NELL1: variants seen among roughly 807,000 people sequenced by gnomAD.
NELL1 encodes neural EGFL like 1.
In NELL1, 76 loss-of-function variants were observed where a neutral mutation model predicts 107.4. The ratio of observed to expected loss-of-function variants is 0.71; its 90% CI spans 0.59 to 0.86. The LOEUF is 0.86. NELL1 is among the 40% of genes least tolerant of loss of function. NELL1 has a pLI of 0.00. For synonymous variants in NELL1, 353 were observed against 341.2 expected (o/e 1.03, Z -0.38); for missense variants, 1,024 against 1,005.5 (o/e 1.02, Z -0.25).
intron 14 of NELL1, among the ~76,000 whole-genome samples, chr11:21,342,743 A>G (rs1850602650): frequency 6.6e-6 from 1 of 151,604 alleles, no homozygotes; most frequent in Non-Finnish European, 1.5e-5. Context: ...AAGAAAGAGA[A>G]TAGTATGCAT....
chr11:21,366,999 C>A (rs1464407956), intron 14 of NELL1, among the ~76,000 whole-genome samples: 1 of 151,944 alleles, frequency 6.6e-6, no homozygotes, highest in African/African-American at 2.4e-5. Flanking sequence ...GCAAACCCAC[C>A]TTCTCATTTT....
chr11:20,684,329 T>C lies in NELL1; in HGVS notation c.184+6269T>C, dbSNP rs1055702613. ...CATTATTCTTTTTTCTCTCTGTGTA[T>C]AATTTTTGATCATTTCCATTGTTAT... On this transcript the variant is annotated intron_variant, in intron 2 of 19. Transcript: ENST00000357134. Among the ~76,000 whole-genome samples, 3 of 152,246 alleles carry C rather than the reference T, an allele frequency of 2.0e-5. No individual in the cohort carries two copies. In the East Asian group the frequency reaches 5.8e-4, roughly 29 times the overall value.
At chr11:20,833,541 A>G (rs1327704848) in intron 3 of NELL1, among the ~76,000 whole-genome samples, 1 of 152,254 alleles carries the variant, frequency 6.6e-6, no homozygotes, top group Non-Finnish European at 1.5e-5. Context: ...GGCTCTGAAG[A>G]TAACATGGTG....
intron 15 of NELL1, among the ~76,000 whole-genome samples, chr11:21,425,822 T>C (rs1458170644): frequency 6.6e-6 from 1 of 152,190 alleles, no homozygotes; most frequent in Non-Finnish European, 1.5e-5. Context: ...TGTTGGGACA[T>C]ACTAGTAGCA....
chr11:21,026,410 G>GT (rs1484486564), intron 12 of NELL1, among the ~76,000 whole-genome samples: 1 of 152,096 alleles, frequency 6.6e-6, no homozygotes, highest in African/African-American at 2.4e-5. Context: ...CACCTCTTCA[G>GT]TTTTTTACTC....
intron 6 of NELL1, among the ~76,000 whole-genome samples, chr11:20,918,877 G>A (rs1015023387): frequency 3.9e-5 from 6 of 152,046 alleles, no homozygotes; most frequent in African/African-American, 1.4e-4. Flanking sequence ...AGAAAGATAT[G>A]TTTAATATAT....
intron 11 of NELL1, among the ~76,000 whole-genome samples, chr11:20,952,511 GAA>G (rs1384138469): frequency 6.6e-6 from 1 of 152,164 alleles, no homozygotes; most frequent in African/African-American, 2.4e-5. Context: ...AATTTGAGAA[GAA>G]AAGAGACCTG....
intron 1 of NELL1, chr11:20,670,710 A>C (rs976228618): frequency 6.6e-6 from 1 of 152,370 alleles, no homozygotes; most frequent in Non-Finnish European, 1.5e-5. Flanking sequence ...GAGATGTAGG[A>C]AATTGGCAAA....
chr11:21,083,680 T>C (rs1590620724), intron 12 of NELL1, among the ~76,000 whole-genome samples: 2 of 152,062 alleles, frequency 1.3e-5, no homozygotes, highest in Admixed American at 6.6e-5. Flanking sequence ...TAGTTTAGAG[T>C]ATGTATATGT....
At chr11:20,879,835 C>A (rs1309918883) in intron 4 of NELL1, among the ~76,000 whole-genome samples, 2 of 151,570 alleles carry the variant, frequency 1.3e-5, no homozygotes, top group Non-Finnish European at 1.5e-5. Flanking sequence ...CGATTTATGG[C>A]CAAAAAGAGT....
intron 15 of NELL1, among the ~76,000 whole-genome samples, chr11:21,433,801 T>C (rs1853032158): frequency 6.6e-6 from 1 of 151,940 alleles, no homozygotes; most frequent in Non-Finnish European, 1.5e-5. Context: ...TCAGCCTCCG[T>C]AGTAGTTGGG....
chr11:20,703,729 A>G (rs2133884948), intron 2 of NELL1, among the ~76,000 whole-genome samples: 1 of 152,306 alleles, frequency 6.6e-6, no homozygotes, highest in Middle Eastern at 3.4e-3. Flanking sequence ...GTTTCAGAGA[A>G]CATCTTTATT....
chr11:21,095,530 AG>A (rs1369683231), intron 12 of NELL1, among the ~76,000 whole-genome samples: 1 of 152,160 alleles, frequency 6.6e-6, no homozygotes, highest in Admixed American at 6.6e-5. Context: ...AAAAAGAAAG[AG>A]GTTTAATTGG....
chr11:20,911,927 C>T (rs1850141188), intron 5 of NELL1, among the ~76,000 whole-genome samples: 2 of 152,276 alleles, frequency 1.3e-5, no homozygotes, highest in South Asian at 4.1e-4. Context: ...CTACAAAAAT[C>T]TCCCTGAAAA....
chr11:20,865,836 A>G (rs1010167790), intron 4 of NELL1, among the ~76,000 whole-genome samples: 3 of 152,106 alleles, frequency 2.0e-5, no homozygotes, highest in African/African-American at 4.8e-5. Flanking sequence ...CGTTTAATCT[A>G]TTATTCTCTT....
chr11:21,329,277 AG>A, intron 14 of NELL1, among the ~76,000 whole-genome samples: 1 of 151,524 alleles, frequency 6.6e-6, no homozygotes, highest in East Asian at 1.9e-4. Context: ...TGGTTTTATA[AG>A]GGGCTTTTCC....
chr11:20,902,263 T>C (rs575251328), intron 5 of NELL1, among the ~76,000 whole-genome samples: 12 of 150,186 alleles, frequency 8.0e-5, no homozygotes, highest in African/African-American at 3.0e-4. Flanking sequence ...ATGCTGCAAA[T>C]CAATAAGAAA....
chr11:20,974,189 G>T (rs1040415884), intron 12 of NELL1, among the ~76,000 whole-genome samples: 1 of 152,142 alleles, frequency 6.6e-6, no homozygotes, highest in Non-Finnish European at 1.5e-5. Flanking sequence ...AGTATTCGTT[G>T]AATAAATGAA....
chr11:21,295,321 G>A (rs1338971038), intron 14 of NELL1, among the ~76,000 whole-genome samples: 1 of 151,898 alleles, frequency 6.6e-6, no homozygotes, highest in African/African-American at 2.4e-5. Flanking sequence ...ATTTGTGAAC[G>A]AAAAAGGAAG....
Sources: allele counts gnomAD v4.1 joint callset (sites outside exome capture counted in the v4.1 genomes callset), GRCh38; gene constraint gnomAD v4.1.1; transcripts MANE v1.5; gene names NCBI Gene and HGNC (gene_info 2026-07-23, HGNC 2026-07-21).